CNTNAP5: variants seen among roughly 807,000 people sequenced by gnomAD.
CNTNAP5 encodes the protein contactin-associated protein-like 5.
CNTNAP5 carries 72 observed loss-of-function variants against 150.2 expected under a neutral mutation model. That is an observed-to-expected ratio of 0.48 (90% CI 0.40 to 0.58). The LOEUF (loss-of-function observed/expected upper bound fraction) is 0.58. Ranked by LOEUF, CNTNAP5 falls within the 20% of genes least tolerant of loss-of-function variation. The pLI is 0.00. For missense variants in CNTNAP5, 1,636 were observed against 1,626.2 expected, an observed-to-expected ratio of 1.01 and a Z score of -0.10; for synonymous variants, 672 against 619.8, an observed-to-expected ratio of 1.08 and a Z score of -1.25.
At chr2:124,640,647 A>T (rs1320944185) in intron 12 of CNTNAP5, among the ~76,000 whole-genome samples, 5 of 152,146 alleles carry the variant, frequency 3.3e-5, no homozygotes, top group Non-Finnish European at 5.9e-5. Context: ...ATCACTTTAC[A>T]CCAATTGTCT....
Position 124,025,295 on chromosome 2 carries a change from C to CAAA in CNTNAP5, c.-356_-355insAAA. 1 of 269,308 alleles carries CAAA rather than the reference C, an allele frequency of 3.7e-6. No individual in the cohort carries two copies. The highest frequency in any genetic ancestry group is 4.7e-5 in the South Asian group (1 of 21,102). 16.7% of individuals were successfully genotyped at this position (269,308 alleles called of 1,614,324 possible). ...TCCGCCACCCGGGTGCTGATTCCAG[C>CAAA]TCTCGCGCCCGACGAGGTGGATTTG... On this transcript the variant is annotated 5_prime_UTR_variant, in exon 1 of 24. Coordinates refer to ENST00000682447, the MANE Select transcript of CNTNAP5 (RefSeq NM_001367498.1).
intron 13 of CNTNAP5, among the ~76,000 whole-genome samples, chr2:124,735,523 A>T (rs1680364711): frequency 6.6e-6 from 1 of 152,132 alleles, no homozygotes; most frequent in African/African-American, 2.4e-5. Flanking sequence ...GAATATCCCC[A>T]AGAGGGTTGA....
chr2:124,645,285 A>G (rs1198160954), intron 12 of CNTNAP5, among the ~76,000 whole-genome samples: 2 of 152,176 alleles, frequency 1.3e-5, no homozygotes, highest in Non-Finnish European at 2.9e-5. Context: ...GACTTTATGG[A>G]AAATATAATC....
chr2:124,496,802 G>C (rs566522418), intron 7 of CNTNAP5, among the ~76,000 whole-genome samples: 2 of 152,198 alleles, frequency 1.3e-5, no homozygotes, highest in African/African-American at 2.4e-5. Flanking sequence ...AATGGGAGCA[G>C]ACTGTCTGTC....
chr2:124,790,057 A>G lies in CNTNAP5; in HGVS notation c.2908A>G (p.Asn970Asp), dbSNP rs1681691316. The G allele has an allele frequency of 6.2e-7, 1 of 1,613,796 alleles. No individual in the cohort carries two copies. Among genetic ancestry groups the G allele is most frequent in the Non-Finnish European group, 8.5e-7 (1 of 1,179,842 alleles). Residue 970 changes from asparagine to aspartate, a missense_variant, in exon 18 of 24, where the codon AAC becomes GAC. Physicochemically the swap from Asn to Asp is conservative, Grantham distance 23 (BLOSUM62 1). Transcript: ENST00000682447. ...CAGCAGCTACGGCAGCATCTGCCACAACGGGGGCAAGTGTGTGGAGAAGCA... is the reference window on the plus strand; with the variant it reads ...CAGCAGCTACGGCAGCATCTGCCACGACGGGGGCAAGTGTGTGGAGAAGCA... The part of the protein sequence containing the change: ...HCSSYGSICH[N>D]GGKCVEKHNG...
At position 124,328,699 on chromosome 2, in the gene CNTNAP5, G is replaced by A. The variant is rs148651699; in HGVS notation, c.381+86306G>A. Among the ~76,000 whole-genome samples, 465 of 152,226 alleles carry A rather than the reference G, an allele frequency of 3.1e-3. 2 individuals carry two copies. Among genetic ancestry groups the A allele is most frequent in the African/African-American group, 0.011 (443 of 41,526 alleles). ...AGTTTTTTTCTGAACAGTTCTAATA[G>A]GATGGGGTGAGATAAGTAGTTCTTT... On this transcript the variant is annotated intron_variant, in intron 3 of 23. Coordinates refer to ENST00000682447, the MANE Select transcript of CNTNAP5 (RefSeq NM_001367498.1).
At chr2:124,245,571 A>G (rs569645799) in intron 3 of CNTNAP5, among the ~76,000 whole-genome samples, 1 of 126,494 alleles carries the variant, frequency 7.9e-6, no homozygotes, top group African/African-American at 2.8e-5. Flanking sequence ...GAGAATATAT[A>G]CATATATATC....
chr2:124,478,832 G>C (rs1362507374), intron 7 of CNTNAP5, among the ~76,000 whole-genome samples: 1 of 152,200 alleles, frequency 6.6e-6, no homozygotes, highest in African/African-American at 2.4e-5. Context: ...AAATCAGGCA[G>C]CAAGAGTACG....
chr2:124,670,746 A>T (rs12472624), intron 13 of CNTNAP5, among the ~76,000 whole-genome samples: 45,667 of 151,856 alleles, frequency 0.3, 7,267 homozygotes, highest in Non-Finnish European at 0.34. Flanking sequence ...AATTTACCAC[A>T]TGCCTTGCTC....
intron 3 of CNTNAP5, among the ~76,000 whole-genome samples, chr2:124,361,444 C>T (rs1348720413): frequency 7.0e-6 from 1 of 143,652 alleles, no homozygotes; most frequent in Non-Finnish European, 1.5e-5. Context: ...GTGGTTTTAT[C>T]TACTTTTGGT....
intron 4 of CNTNAP5, among the ~76,000 whole-genome samples, chr2:124,420,345 C>G (rs1381647484): frequency 6.6e-6 from 1 of 152,198 alleles, no homozygotes; most frequent in Non-Finnish European, 1.5e-5. Flanking sequence ...CCAAACAAAA[C>G]AGCAAAAGCT....
intron 12 of CNTNAP5, among the ~76,000 whole-genome samples, chr2:124,617,365 C>G (rs1041977341): frequency 6.6e-6 from 1 of 152,122 alleles, no homozygotes; most frequent in Admixed American, 6.5e-5. Context: ...TGCCACACTT[C>G]CTGTTAAACC....
chr2:124,083,207 G>A lies in CNTNAP5; in HGVS notation c.82+57475G>A, dbSNP rs376251136. On this transcript the variant is annotated intron_variant, in intron 1 of 23. Coordinates refer to ENST00000682447, the MANE Select transcript of CNTNAP5 (RefSeq NM_001367498.1). Reference sequence around the variant, plus strand: ...TACTAAAAATACAAAAATTGACTGGGTGTGGTGATGCGTGCCTGTAATCTC... The same window carrying A: ...TACTAAAAATACAAAAATTGACTGGATGTGGTGATGCGTGCCTGTAATCTC... 9.2e-5 allele frequency among the ~76,000 whole-genome samples: 14 copies of A among 152,222 alleles called. No individual in the cohort carries two copies. In the East Asian group the frequency reaches 1.7e-3, roughly 19 times the overall value.
intron 3 of CNTNAP5, among the ~76,000 whole-genome samples, chr2:124,390,650 A>G (rs1039090005): frequency 1.3e-5 from 2 of 152,216 alleles, no homozygotes; most frequent in Non-Finnish European, 1.5e-5. Flanking sequence ...GTCAGTTTGT[A>G]CTAACAGAAA....
intron 3 of CNTNAP5, among the ~76,000 whole-genome samples, chr2:124,351,133 C>T (rs1421133571): frequency 6.6e-6 from 1 of 152,168 alleles, no homozygotes; most frequent in East Asian, 1.9e-4. Context: ...CCAAGAAACT[C>T]ATTCTTTTGG....
chr2:124,238,050 C>T (rs148594333), intron 2 of CNTNAP5, among the ~76,000 whole-genome samples: 8 of 152,180 alleles, frequency 5.3e-5, no homozygotes, highest in Non-Finnish European at 8.8e-5. Context: ...TTAAAAAGGG[C>T]TACTGCTGAT....
intron 19 of CNTNAP5, among the ~76,000 whole-genome samples, chr2:124,862,760 A>C (rs1049785437): frequency 6.6e-6 from 1 of 152,212 alleles, no homozygotes; most frequent in Non-Finnish European, 1.5e-5. Flanking sequence ...CATGGGGTCA[A>C]ACTTACTTTG....
chr2:124,797,243 C>G (rs886415384), intron 18 of CNTNAP5, among the ~76,000 whole-genome samples: 21 of 152,214 alleles, frequency 1.4e-4, no homozygotes, highest in Non-Finnish European at 2.9e-4. Context: ...TGCTGAGTCA[C>G]TCAGTGCTAG....
intron 13 of CNTNAP5, among the ~76,000 whole-genome samples, chr2:124,696,528 C>G (rs958002159): frequency 2.0e-5 from 3 of 152,130 alleles, no homozygotes; most frequent in African/African-American, 7.2e-5. Context: ...TGCCTTCTCT[C>G]CCTGGAGCTA....
Sources: gnomAD v4.1 joint callset for allele counts (sites outside exome capture counted in the v4.1 genomes callset) on GRCh38, gnomAD v4.1.1 for gene constraint, MANE v1.5 for transcripts, NCBI Gene and HGNC (gene_info 2026-07-23, HGNC 2026-07-21) for gene names.